The following PSMB3 variants were observed in gnomAD, a reference collection of about 807,000 sequenced individuals.
PSMB3 encodes proteasome 20S subunit beta 3.
PSMB3 carries 5 observed loss-of-function variants against 23.3 expected under a neutral mutation model. The ratio of observed to expected loss-of-function variants is 0.21; its 90% CI spans 0.11 to 0.45. The LOEUF (loss-of-function observed/expected upper bound fraction) is 0.45. Among genes scored for constraint, PSMB3 ranks in the 20% least tolerant of loss-of-function variants. PSMB3 has a pLI of 0.99. For missense variants in PSMB3, 192 were observed against 277.9 expected, an observed-to-expected ratio of 0.69 and a Z score of 2.20; for synonymous variants, 85 against 99.8, an observed-to-expected ratio of 0.85 and a Z score of 0.88.
intron 4 of PSMB3, 31 bp downstream of exon 4, chr17:38,760,639 T>C: frequency 1.2e-6 from 2 of 1,613,218 alleles, no homozygotes; most frequent in Non-Finnish European, 1.7e-6. Flanking sequence ...GGGGCTGGGC[T>C]CTGAGTTACC....
In PSMB3 at chr17:38,756,297, C is replaced by A. The variant is rs113588747; in HGVS notation, c.296+307C>A. Among the ~76,000 whole-genome samples the A allele has an allele frequency of 1.0e-3, 159 of 152,296 alleles. 1 individual carries two copies. The highest frequency in any genetic ancestry group is 3.7e-3 in the African/African-American group (153 of 41,560). On this transcript the variant is annotated intron_variant, in intron 3 of 5. Transcript: ENST00000619426. ...TCTTGCCCTAGAGCTATTCTGTCAG[C>A]ACTGGCTTCTTGGGAATAGCAGGGA...
At chr17:38,756,083 C>A in intron 3 of PSMB3, 93 bp downstream of exon 3, 1 of 1,042,336 alleles carries the variant, frequency 9.6e-7, no homozygotes, top group Non-Finnish European at 1.5e-6. Flanking sequence ...CCTTGTTTTT[C>A]CATCTCTTAT....
intron 2 of PSMB3, among the ~76,000 whole-genome samples, chr17:38,754,406 G>A (rs1340646591): frequency 1.3e-5 from 2 of 152,164 alleles, no homozygotes; most frequent in Non-Finnish European, 2.9e-5. Flanking sequence ...ACAGACGGAC[G>A]TTGCAGTGAG....
Position 38,753,158 on chromosome 17 carries a change from G to T in PSMB3, c.12G>T (p.Met4Ile). 1 of 1,613,980 alleles carries T rather than the reference G, an allele frequency of 6.2e-7. No homozygotes were observed. Among genetic ancestry groups the T allele is most frequent in the South Asian group, 1.1e-5 (1 of 91,066 alleles). The change falls in exon 2 of 6, where the codon ATG becomes ATT. Residue 4 changes from methionine (M) to isoleucine (I), a missense_variant. Met to Ile is a conservative substitution (Grantham distance 10, BLOSUM62 1). Coordinates refer to ENST00000619426, the MANE Select transcript of PSMB3 (RefSeq NM_002795.4). MSI[M>I]SYNGGAVMAM... Reference sequence around the variant, plus strand: ...CGCTCTGTCTGTCCTAGTCTATTATGTCCTATAACGGAGGGGCCGTCATGG... The same window carrying T: ...CGCTCTGTCTGTCCTAGTCTATTATTTCCTATAACGGAGGGGCCGTCATGG...
intron 1 of PSMB3, 78 bp from the exon 2 acceptor site, chr17:38,753,072 C>T (rs1236415248): frequency 1.4e-6 from 2 of 1,443,894 alleles, no homozygotes; most frequent in Non-Finnish European, 1.9e-6. Flanking sequence ...GTACAGGAGC[C>T]TCCGCATCAG....
At chr17:38,762,828 T>C (rs1249814956) in intron 5 of PSMB3, among the ~76,000 whole-genome samples, 1 of 152,138 alleles carries the variant, frequency 6.6e-6, no homozygotes, top group East Asian at 1.9e-4. Context: ...GGATTGAAAT[T>C]CTAGGTGGCT....
chr17:38,759,530 CT>C (rs371999733), intron 3 of PSMB3, among the ~76,000 whole-genome samples: 420 of 145,782 alleles, frequency 2.9e-3, no homozygotes, highest in African/African-American at 8.4e-3. Flanking sequence ...ACTGATTTTT[CT>C]TTTTTTTTTT....
chr17:38,761,727 G>A (rs1168271176), intron 4 of PSMB3, among the ~76,000 whole-genome samples: 1 of 152,228 alleles, frequency 6.6e-6, no homozygotes, highest in East Asian at 1.9e-4. Context: ...GACCTCAAAG[G>A]GCCTTGAATG....
At chr17:38,755,856 TA>T (rs769075312) in intron 2 of PSMB3, 26 bp from the exon 3 acceptor site, 1 of 1,581,582 alleles carries the variant, frequency 6.3e-7, no homozygotes, top group South Asian at 1.1e-5. Context: ...AATAATGACT[TA>T]CTAACTCACT....
intron 2 of PSMB3, among the ~76,000 whole-genome samples, chr17:38,754,805 T>C (rs775164813): frequency 6.6e-6 from 1 of 152,238 alleles, no homozygotes; most frequent in Non-Finnish European, 1.5e-5. Context: ...CTCTTTGCTC[T>C]GGTGTCCTGA....
Position 38,755,888 on chromosome 17 carries a change from A to T in PSMB3, c.194A>T (p.Gln65Leu), listed in dbSNP as rs1161605974. 1 of 1,614,004 alleles carries T rather than the reference A, an allele frequency of 6.2e-7. No individual in the cohort carries two copies. The highest frequency in any genetic ancestry group is 8.5e-7 in the Non-Finnish European group (1 of 1,179,924). The stretch of plus-strand genomic sequence containing the variant: ...TCACTTTTCTCCTACCTCAGTGCCC[A>T]GCGCCTCAAGTTCCGGCTGAACCTG... ...GLATDVQTVAQRLKFRLNLYE... is the reference protein window; with the variant it reads ...GLATDVQTVALRLKFRLNLYE... Residue 65 changes from glutamine to leucine, a missense_variant, in exon 3 of 6, where the codon CAG (glutamine) becomes CTG (leucine). Gln to Leu is a moderately radical substitution (Grantham distance 113). Coordinates refer to ENST00000619426, the MANE Select transcript of PSMB3 (RefSeq NM_002795.4).
intron 5 of PSMB3, among the ~76,000 whole-genome samples, chr17:38,763,356 A>AAAAAAC (rs753340999): frequency 6.6e-6 from 1 of 152,094 alleles, no homozygotes; most frequent in Admixed American, 6.6e-5. Flanking sequence ...TCTGTCTCAA[A>AAAAAAC]AAAAACAAAA....
chr17:38,762,611 A>G (rs1351344527), intron 5 of PSMB3, 106 bp downstream of exon 5: 2 of 1,095,622 alleles, frequency 1.8e-6, no homozygotes, highest in Non-Finnish European at 1.4e-6. Flanking sequence ...CAGGTGTGAG[A>G]TAAGAAAGGT....
At chr17:38,758,649 A>C (rs1908311274) in intron 3 of PSMB3, among the ~76,000 whole-genome samples, 1 of 152,144 alleles carries the variant, frequency 6.6e-6, no homozygotes, top group Admixed American at 6.5e-5. Context: ...CTGGCCTAAA[A>C]AAGTTATTTT....
intron 5 of PSMB3, 112 bp downstream of exon 5, chr17:38,762,617 A>G: frequency 9.5e-7 from 1 of 1,051,674 alleles, no homozygotes; most frequent in Non-Finnish European, 1.4e-6. Flanking sequence ...TGAGATAAGA[A>G]AGGTGCTTTT....
intron 4 of PSMB3, chr17:38,762,154 T>C (rs1289613296): frequency 3.8e-5 from 18 of 474,768 alleles, no homozygotes; most frequent in Non-Finnish European, 6.7e-5. Flanking sequence ...AGAGACATAC[T>C]ATTTGCCCAA....
intron 3 of PSMB3, among the ~76,000 whole-genome samples, chr17:38,757,347 C>T (rs1218076624): frequency 6.6e-6 from 1 of 150,614 alleles, no homozygotes; most frequent in African/African-American, 2.4e-5. Context: ...GGTGAAACCT[C>T]ATCTCTACTA....
intron 5 of PSMB3, among the ~76,000 whole-genome samples, 196 bp downstream of exon 5, chr17:38,762,701 C>G (rs1021723887): frequency 6.6e-6 from 1 of 152,210 alleles, no homozygotes; most frequent in African/African-American, 2.4e-5. Flanking sequence ...TTCCTCTGGC[C>G]TCTTGTCAGG....
At chr17:38,758,335 T>A (rs1488307346) in intron 3 of PSMB3, among the ~76,000 whole-genome samples, 1 of 151,904 alleles carries the variant, frequency 6.6e-6, no homozygotes, top group Non-Finnish European at 1.5e-5. Flanking sequence ...TTATTTTTAT[T>A]TTTTATTTTA....
Sources: allele counts gnomAD v4.1 joint callset (sites outside exome capture counted in the v4.1 genomes callset), GRCh38; gene constraint gnomAD v4.1.1; transcripts MANE v1.5; gene names NCBI Gene and HGNC (gene_info 2026-07-23, HGNC 2026-07-21).